The following MMP20 variants were observed in gnomAD, a reference collection of about 807,000 sequenced individuals.
MMP20 encodes the protein matrix metallopeptidase 20.
Under a neutral mutation model 51.8 loss-of-function variants are expected in MMP20, and 50 were observed. That is an observed-to-expected ratio of 0.97 (90% confidence interval 0.77 to 1.22). The LOEUF (loss-of-function observed/expected upper bound fraction) is 1.22. MMP20 is among the 50% of genes most tolerant of loss of function. The pLI is 0.00. For synonymous variants in MMP20, 244 were observed against 216.2 expected, an observed-to-expected ratio of 1.13 and a Z score of -1.13; for missense variants, 663 against 601.4, an observed-to-expected ratio of 1.10 and a Z score of -1.07.
At chr11:102,611,942 T>G in intron 2 of MMP20, 39 bp from the exon 3 acceptor site, 1 of 1,602,828 alleles carries the variant, frequency 6.2e-7, no homozygotes, top group Non-Finnish European at 8.5e-7. Flanking sequence ...TTTCAGTAAC[T>G]GCTCCGAAGA....
chr11:102,584,065 A>G (rs1445759401), intron 8 of MMP20, among the ~76,000 whole-genome samples: 1 of 152,170 alleles, frequency 6.6e-6, no homozygotes, highest in African/African-American at 2.4e-5. Context: ...GCATTCGTCT[A>G]TTATTAATAA....
chr11:102,612,941 T>C (rs1209712387), intron 2 of MMP20, among the ~76,000 whole-genome samples: 1 of 152,062 alleles, frequency 6.6e-6, no homozygotes, highest in Non-Finnish European at 1.5e-5. Context: ...TTCACCATGT[T>C]GGCCAGGCTG....
At chr11:102,604,349 G>T (rs1306854895) in intron 6 of MMP20, among the ~76,000 whole-genome samples, 15 of 151,976 alleles carry the variant, frequency 9.9e-5, no homozygotes, top group Admixed American at 4.6e-4. Context: ...GTACTTTTTG[G>T]TAATATTCAA....
chr11:102,583,788 C>T (rs2135928906), intron 8 of MMP20, among the ~76,000 whole-genome samples: 1 of 152,348 alleles, frequency 6.6e-6, no homozygotes, highest in East Asian at 1.9e-4. Context: ...CCCCATACTC[C>T]ACATCCTCAT....
intron 8 of MMP20, among the ~76,000 whole-genome samples, chr11:102,579,924 C>T (rs1011490081): frequency 6.6e-6 from 1 of 152,146 alleles, no homozygotes; most frequent in Non-Finnish European, 1.5e-5. Flanking sequence ...TTCATAGGTG[C>T]TTTTATTCAT....
At chr11:102,609,849 G>A in intron 4 of MMP20, 56 bp downstream of exon 4, 1 of 1,612,176 alleles carries the variant, frequency 6.2e-7, no homozygotes, top group Non-Finnish European at 8.5e-7. Flanking sequence ...GTTTCATGAT[G>A]GAGCCCAGAA....
intron 8 of MMP20, among the ~76,000 whole-genome samples, chr11:102,581,986 A>T (rs1859201057): frequency 6.6e-6 from 1 of 152,232 alleles, no homozygotes; most frequent in African/African-American, 2.4e-5. Flanking sequence ...AACTAGAAAT[A>T]GTGATCTGAA....
At position 102,593,565 on chromosome 11, in the gene MMP20, T is replaced by C; in HGVS notation, c.1121A>G (p.Gln374Arg). The C allele has an allele frequency of 1.2e-6, 2 of 1,614,134 alleles. No homozygotes were observed. The highest frequency in any genetic ancestry group is 1.7e-6 in the Non-Finnish European group (2 of 1,179,976). ...AATAGTCCGAGGAGGACCTTGCATT[T>C]GGAATCCTCTTGTTATCCAGTAGTG... ...GPHYWITRGF[Q>R]MQGPPRTIYD... Residue 374 changes from glutamine to arginine, a missense_variant, in exon 8 of 10, where the codon CAA (glutamine) becomes CGA (arginine). Coordinates refer to ENST00000260228, the MANE Select transcript of MMP20 (RefSeq NM_004771.4).
intron 8 of MMP20, among the ~76,000 whole-genome samples, chr11:102,581,990 A>AT (rs1227556283): frequency 1.3e-5 from 2 of 152,196 alleles, no homozygotes; most frequent in African/African-American, 4.8e-5. Flanking sequence ...AGAAATAGTG[A>AT]TCTGAATTAT....
At chr11:102,621,306 C>T (rs536608622) in intron 1 of MMP20, among the ~76,000 whole-genome samples, 34 of 152,362 alleles carry the variant, frequency 2.2e-4, no homozygotes, top group Non-Finnish European at 3.8e-4. Context: ...GGATGTTTAC[C>T]TTGGCCTATG....
chr11:102,600,957 C>A (rs1859438400), intron 6 of MMP20, among the ~76,000 whole-genome samples: 1 of 151,864 alleles, frequency 6.6e-6, no homozygotes, highest in Admixed American at 6.6e-5. Flanking sequence ...CCTTTTTTCC[C>A]AGATTTATTT....
intron 8 of MMP20, among the ~76,000 whole-genome samples, chr11:102,584,456 G>C (rs978406040): frequency 2.0e-5 from 3 of 152,030 alleles, no homozygotes; most frequent in African/African-American, 7.2e-5. Flanking sequence ...CAGATCCTTT[G>C]CCCATATTTT....
rs746739126 is a variant in MMP20 at position 102,606,555 on chromosome 11, C to T, written c.933G>A (p.Glu311=). The T allele has an allele frequency of 6.2e-7, 1 of 1,613,846 alleles. No homozygotes were observed. Among genetic ancestry groups the T allele is most frequent in the Admixed American group, 1.7e-5 (1 of 59,962 alleles). Residue 311 remains glutamate, a synonymous_variant, in exon 6 of 10, where the codon GAG becomes GAA. Transcript: ENST00000260228. ...CTTACCGGTCCTTGAAGAGCAGGAG[C>T]TCCTTCCCCAGCATTGTCACAGCGT... The part of the protein sequence containing the change: ...SFDAVTMLGK[E]LLLFKDRIFW...
intron 1 of MMP20, among the ~76,000 whole-genome samples, chr11:102,620,487 C>A (rs1565401382): frequency 6.9e-6 from 1 of 145,112 alleles, no homozygotes; most frequent in Non-Finnish European, 1.5e-5. Context: ...TCCCTCCAAT[C>A]TTCCCCACTT....
At chr11:102,604,802 G>T (rs1472779440) in intron 6 of MMP20, among the ~76,000 whole-genome samples, 1 of 152,112 alleles carries the variant, frequency 6.6e-6, no homozygotes, top group East Asian at 1.9e-4. Flanking sequence ...CCGTTGACAG[G>T]AAAAAATAAA....
At chr11:102,615,828 C>A (rs751248671) in intron 2 of MMP20, among the ~76,000 whole-genome samples, 4 of 152,112 alleles carry the variant, frequency 2.6e-5, no homozygotes, top group Non-Finnish European at 5.9e-5. Context: ...GGCAGGACCA[C>A]AAAGAGTGGA....
At chr11:102,618,225 A>G (rs1859699883) in intron 1 of MMP20, among the ~76,000 whole-genome samples, 1 of 152,108 alleles carries the variant, frequency 6.6e-6, no homozygotes, top group South Asian at 2.1e-4. Flanking sequence ...TTTTCAATCC[A>G]CAATTGTTTG....
At chr11:102,603,319 T>G (rs1859472122) in intron 6 of MMP20, among the ~76,000 whole-genome samples, 2 of 152,214 alleles carry the variant, frequency 1.3e-5, no homozygotes, top group Admixed American at 1.3e-4. Context: ...TTGTCCAGGC[T>G]TAGCAAGCAC....
chr11:102,608,314 A>G (rs974266498), intron 5 of MMP20, among the ~76,000 whole-genome samples: 4 of 152,262 alleles, frequency 2.6e-5, no homozygotes, highest in Non-Finnish European at 4.4e-5. Flanking sequence ...CCCTTAAGGA[A>G]AATTGGATAC....
Sources: gnomAD v4.1 joint callset for allele counts (sites outside exome capture counted in the v4.1 genomes callset) on GRCh38, gnomAD v4.1.1 for gene constraint, MANE v1.5 for transcripts, NCBI Gene and HGNC (gene_info 2026-07-23, HGNC 2026-07-21) for gene names.